The following UXS1 variants were observed in gnomAD, a reference collection of about 807,000 sequenced individuals.
UXS1 encodes UDP-glucuronic acid decarboxylase 1.
In UXS1, 33 loss-of-function variants were observed where a neutral mutation model predicts 62.6. The observed-to-expected ratio is 0.53, with a 90% CI of 0.40 to 0.70. The LOEUF is 0.70. Among genes scored for constraint, UXS1 ranks in the 30% least tolerant of loss-of-function variants. UXS1 has a pLI of 0.00. For missense variants in UXS1, 434 were observed against 556.3 expected (o/e 0.78, Z 2.21); for synonymous variants, 213 against 206.8 (o/e 1.03, Z -0.26).
chr2:106,130,754 GTTC>G (rs904119553), intron 6 of UXS1, among the ~76,000 whole-genome samples: 2 of 152,224 alleles, frequency 1.3e-5, no homozygotes, highest in Non-Finnish European at 1.5e-5. Context: ...CAGTCTGGAG[GTTC>G]TCAATCAATC....
chr2:106,150,368 A>G (rs1296523891), intron 5 of UXS1, among the ~76,000 whole-genome samples: 1 of 152,200 alleles, frequency 6.6e-6, no homozygotes, highest in East Asian at 1.9e-4. Context: ...CCCTTAAGAC[A>G]ATGGGAGAAT....
chr2:106,138,427 A>T, intron 6 of UXS1: 3 of 985,396 alleles, frequency 3.0e-6, no homozygotes, highest in Non-Finnish European at 3.6e-6. Context: ...TGGACTCTAG[A>T]GGGAGGGGAG....
At chr2:106,160,567 T>A (rs1219381492) in intron 4 of UXS1, 1 of 152,266 alleles carries the variant, frequency 6.6e-6, no homozygotes, top group African/African-American at 2.4e-5. Context: ...GGCGCAGGAC[T>A]GTGGAGTGTG....
chr2:106,128,285 A>G (rs1170473949), intron 7 of UXS1, among the ~76,000 whole-genome samples: 3 of 152,142 alleles, frequency 2.0e-5, no homozygotes, highest in Non-Finnish European at 4.4e-5. Flanking sequence ...ACGGTAACAA[A>G]GAAGATAAAG....
At chr2:106,141,166 G>C (rs988398288) in intron 6 of UXS1, among the ~76,000 whole-genome samples, 11 of 152,180 alleles carry the variant, frequency 7.2e-5, no homozygotes, top group Middle Eastern at 3.2e-3. Context: ...TCTTGGTAAA[G>C]AGATCTAGCT....
chr2:106,095,682 G>A lies in UXS1; in HGVS notation c.1146+1036C>T, dbSNP rs542566457. The stretch of plus-strand genomic sequence containing the variant: ...CTACACTACACGCCTCTGCCCGAGG[G>A]GAGCCCGAATTTCAGTGGGGCACAT... On this transcript the variant is annotated intron_variant, in intron 14 of 14. Transcript: ENST00000283148. Among the ~76,000 whole-genome samples the A allele has an allele frequency of 3.3e-5, 5 of 152,318 alleles. No homozygotes were observed. The South Asian group carries it at 1.0e-3, about 32-fold the overall frequency.
At chr2:106,154,001 G>C (rs935938200) in intron 5 of UXS1, among the ~76,000 whole-genome samples, 1 of 152,204 alleles carries the variant, frequency 6.6e-6, no homozygotes, top group Non-Finnish European at 1.5e-5. Context: ...AGCAAACTTG[G>C]ACTGAAAGGG....
chr2:106,105,671 C>T (rs548244468), intron 10 of UXS1, among the ~76,000 whole-genome samples: 5 of 152,174 alleles, frequency 3.3e-5, no homozygotes, highest in South Asian at 2.1e-4. Context: ...GAGCCCAGCA[C>T]GATGTGAGGT....
intron 4 of UXS1, among the ~76,000 whole-genome samples, chr2:106,162,557 A>C (rs1250169441): frequency 6.6e-6 from 1 of 152,244 alleles, no homozygotes; most frequent in Non-Finnish European, 1.5e-5. Context: ...AAAAAGCTTC[A>C]ATTAAGATCT....
chr2:106,152,187 C>G (rs1197351202), intron 5 of UXS1, among the ~76,000 whole-genome samples: 2 of 152,136 alleles, frequency 1.3e-5, no homozygotes, highest in African/African-American at 4.8e-5. Context: ...AACATGTATT[C>G]AAGAAAATAT....
intron 1 of UXS1, among the ~76,000 whole-genome samples, chr2:106,171,774 T>G (rs894176969): frequency 6.6e-6 from 1 of 152,264 alleles, no homozygotes; most frequent in African/African-American, 2.4e-5. Context: ...TAGCATGTTT[T>G]TCTCAGTCAT....
chr2:106,109,340 G>A (rs1393050595), intron 10 of UXS1, among the ~76,000 whole-genome samples: 1 of 152,160 alleles, frequency 6.6e-6, no homozygotes, highest in African/African-American at 2.4e-5. Flanking sequence ...ACATACCACA[G>A]TATCAATAAA....
chr2:106,107,817 C>T (rs1234013244), intron 10 of UXS1, among the ~76,000 whole-genome samples: 1 of 152,240 alleles, frequency 6.6e-6, no homozygotes, highest in Non-Finnish European at 1.5e-5. Flanking sequence ...CAAGGTTCAT[C>T]TGCAGGCACC....
At chr2:106,122,067 G>A (rs1026884200) in intron 9 of UXS1, among the ~76,000 whole-genome samples, 7 of 152,302 alleles carry the variant, frequency 4.6e-5, no homozygotes, top group Non-Finnish European at 7.4e-5. Context: ...GCACATAGCC[G>A]ACAGTTCCCC....
At chr2:106,160,116 G>A (rs1001051494) in intron 4 of UXS1, 4 of 152,224 alleles carry the variant, frequency 2.6e-5, no homozygotes, top group African/African-American at 9.7e-5. Context: ...TTAGACTGGC[G>A]GGAGCGGCAC....
Position 106,122,971 on chromosome 2 carries a change from T to C in UXS1, c.758A>G (p.Gln253Arg). ...AETMCYAYMK[Q>R]EGVEVRVARI... ...CAAGCCTAGACCCTGGTGAAATACCTGCTTCATGTAGGCATAGCACATGGT... is the reference window on the plus strand; with the variant it reads ...CAAGCCTAGACCCTGGTGAAATACCCGCTTCATGTAGGCATAGCACATGGT... The change falls in exon 9 of 15, where the codon CAG (glutamine) becomes CGG (arginine). Residue 253 changes from glutamine to arginine, a missense_variant and splice_region_variant. Gln to Arg is a conservative substitution (Grantham distance 43, BLOSUM62 1). Transcript: ENST00000283148. 6.2e-7 allele frequency: 1 copy of C among 1,613,742 alleles called. No homozygotes were observed. The highest frequency in any genetic ancestry group is 8.5e-7 in the Non-Finnish European group (1 of 1,179,724).
At chr2:106,194,094 C>G in intron 1 of UXS1, 54 bp downstream of exon 1, 1 of 1,394,804 alleles carries the variant, frequency 7.2e-7, no homozygotes, top group Non-Finnish European at 9.4e-7. Context: ...CCCGGCCCAC[C>G]GCGGCGCCGG....
chr2:106,187,943 T>C (rs1684678714), intron 1 of UXS1, among the ~76,000 whole-genome samples: 1 of 152,162 alleles, frequency 6.6e-6, no homozygotes, highest in Admixed American at 6.5e-5. Flanking sequence ...GGTTTCACCA[T>C]GTTGGCCAGG....
Position 106,096,731 on chromosome 2 carries a change from C to A in UXS1, c.1133G>T (p.Gly378Val). 1.3e-6 allele frequency: 2 copies of A among 1,575,418 alleles called. No individual in the cohort carries two copies. Among genetic ancestry groups the A allele is most frequent in the Non-Finnish European group, 1.7e-6 (2 of 1,158,826 alleles). ...CCCTGCACTTACCACGGGCTCCCAC[C>A]CCAGCATCAGCTTTGCTTTTTTGAT... is the stretch of plus-strand genomic sequence containing the variant. ...PDIKKAKLMLGWEPVVPLEEG... is the reference protein window; with the variant it reads ...PDIKKAKLMLVWEPVVPLEEG... Residue 378 changes from glycine to valine, a missense_variant, in exon 14 of 15, where the codon GGG becomes GTG. By Grantham distance (109) the Gly-to-Val change is moderately radical (BLOSUM62 -3). This residue lies in a region of UXS1 where 209 missense variants were observed against 233.3 expected (regional missense o/e 0.90). Coordinates refer to ENST00000283148, the MANE Select transcript of UXS1 (RefSeq NM_001253875.2).
Sources: gnomAD v4.1 joint callset for allele counts (sites outside exome capture counted in the v4.1 genomes callset) on GRCh38, gnomAD v4.1.1 for gene constraint, gnomAD v4.1.1 regional missense constraint, MANE v1.5 for transcripts, NCBI Gene and HGNC (gene_info 2026-07-23, HGNC 2026-07-21) for gene names.